The following AQR variants were observed in gnomAD, a reference collection of about 807,000 sequenced individuals.
AQR encodes the protein RNA helicase aquarius.
A neutral mutation model predicts 180.5 loss-of-function variants in AQR; 61 were observed. That is an observed-to-expected ratio of 0.34 (90% CI 0.28 to 0.42). The LOEUF is 0.42. Among genes scored for constraint, AQR ranks in the 10% least tolerant of loss-of-function variants. AQR has a pLI of 1.00. For synonymous variants in AQR, 551 were observed against 588.8 expected (o/e 0.94, Z 0.93); for missense variants, 1,281 against 1,798.3 (o/e 0.71, Z 5.20).
chr15:34,859,802 C>A (rs1383271710), intron 34 of AQR, among the ~76,000 whole-genome samples: 2 of 152,162 alleles, frequency 1.3e-5, no homozygotes, highest in Non-Finnish European at 2.9e-5. Flanking sequence ...GATGGCTTCA[C>A]AGGTAAATAC....
At chr15:34,950,386 C>T (rs1415697516) in intron 4 of AQR, among the ~76,000 whole-genome samples, 2 of 152,210 alleles carry the variant, frequency 1.3e-5, no homozygotes, top group East Asian at 3.9e-4. Flanking sequence ...CCACTCCCGG[C>T]CCTCTTTGCT....
rs773590090 is a variant in AQR, at chr15:34,896,892, C to T, written c.2460+5G>A. 19 of 1,607,378 alleles carry T rather than the reference C, an allele frequency of 1.2e-5. No individual in the cohort carries two copies. In the South Asian group the frequency reaches 2.1e-4, roughly 18 times the overall value. On this transcript the variant is annotated splice_donor_5th_base_variant and intron_variant, in intron 22 of 34. Transcript: ENST00000156471. Reference sequence around the variant, plus strand: ...ACAAACAAACAGGTGTAACAATTCTCTTACCATAGTCAGCCCAGGCTGCAT... The same window carrying T: ...ACAAACAAACAGGTGTAACAATTCTTTTACCATAGTCAGCCCAGGCTGCAT...
chr15:34,944,902 CCT>C (rs1201992237), intron 5 of AQR, among the ~76,000 whole-genome samples: 1 of 152,166 alleles, frequency 6.6e-6, no homozygotes, highest in Non-Finnish European at 1.5e-5. Flanking sequence ...CTTTGACCTA[CCT>C]CTGTTTCTAG....
At chr15:34,906,468 A>G in intron 18 of AQR, 77 bp downstream of exon 18, 1 of 1,531,638 alleles carries the variant, frequency 6.5e-7, no homozygotes, top group Non-Finnish European at 8.8e-7. Flanking sequence ...AATATTACCT[A>G]AGAAGCAAAA....
At chr15:34,929,084 A>G (rs1236379934) in intron 12 of AQR, among the ~76,000 whole-genome samples, 1 of 151,966 alleles carries the variant, frequency 6.6e-6, no homozygotes, top group Non-Finnish European at 1.5e-5. Flanking sequence ...TAAATTCTGG[A>G]TATTAGACCT....
chr15:34,940,824 CA>C, intron 8 of AQR, 74 bp downstream of exon 8: 1 of 1,153,390 alleles, frequency 8.7e-7, no homozygotes, highest in Middle Eastern at 1.9e-4. Flanking sequence ...AGGGAAACAA[CA>C]AACCAGTCAA....
intron 10 of AQR, 41 bp from the exon 11 acceptor site, chr15:34,932,475 T>C: frequency 2.2e-6 from 3 of 1,364,816 alleles, no homozygotes; most frequent in Non-Finnish European, 3.0e-6. Flanking sequence ...TTGCATCTAT[T>C]CTCCACAGCT....
Position 34,855,268 on chromosome 15 carries a change from T to C in AQR, c.*1524A>G, listed in dbSNP as rs1227363376. ...CTAGTCACTCAAAAATATAACTGACTTGACTTTCTGGGTTTAATTTCCCTA... is the reference window on the plus strand; with the variant it reads ...CTAGTCACTCAAAAATATAACTGACCTGACTTTCTGGGTTTAATTTCCCTA... On this transcript the variant is annotated 3_prime_UTR_variant, in exon 35 of 35. Coordinates refer to ENST00000156471, the MANE Select transcript of AQR (RefSeq NM_014691.3). The C allele has an allele frequency of 1.3e-5, 2 of 152,224 alleles. No individual in the cohort carries two copies. Among genetic ancestry groups the C allele is most frequent in the African/African-American group, 4.8e-5 (2 of 41,450 alleles). 9.4% of individuals were successfully genotyped at this position (152,224 alleles called of 1,614,324 possible). A position where few individuals can be genotyped will look rare whatever the true frequency, so the allele number is the denominator to read the frequency against.
intron 2 of AQR, among the ~76,000 whole-genome samples, chr15:34,963,045 C>T (rs373619896): frequency 1.3e-4 from 20 of 152,260 alleles, no homozygotes; most frequent in African/African-American, 4.6e-4. Context: ...GGCCTGATTA[C>T]AGCTCACTGC....
At chr15:34,873,772 G>T in intron 30 of AQR, 56 bp downstream of exon 30, 2 of 1,415,244 alleles carry the variant, frequency 1.4e-6, no homozygotes, top group Non-Finnish European at 1.9e-6. Context: ...ACTGATTTAG[G>T]CATATGTCAG....
Position 34,873,986 on chromosome 15 carries a change from A to G in AQR, c.3439T>C (p.Tyr1147His), listed in dbSNP as rs1233829601. 1 of 1,603,876 alleles carries G rather than the reference A, an allele frequency of 6.2e-7. No homozygotes were observed. Among genetic ancestry groups the G allele is most frequent in the South Asian group, 1.1e-5 (1 of 88,718 alleles). Residue 1147 changes from tyrosine (Y) to histidine (H), a missense_variant, in exon 30 of 35, where the codon TAC becomes CAC. Transcript: ENST00000156471. ...CCTAGATTCTTGTATCGCCAGTTGT[A>G]GAGGTTGCACAAGCTTTCCAAAGAC... Reference protein sequence around the residue: ...GRARASLCNLYNWRYKNLGNL... With the variant: ...GRARASLCNLHNWRYKNLGNL...
chr15:34,857,226 G>T (rs1364862656), intron 34 of AQR, 120 bp from the exon 35 acceptor site: 11 of 881,032 alleles, frequency 1.2e-5, no homozygotes, highest in South Asian at 6.1e-5. Flanking sequence ...TACTCCAGAT[G>T]TAACACCTCT....
At chr15:34,907,920 T>C (rs1861254385) in intron 17 of AQR, among the ~76,000 whole-genome samples, 1 of 152,170 alleles carries the variant, frequency 6.6e-6, no homozygotes, top group Non-Finnish European at 1.5e-5. Context: ...CTCTGGGACA[T>C]CTTAGATCCA....
intron 16 of AQR, among the ~76,000 whole-genome samples, chr15:34,913,911 T>G (rs1466443744): frequency 6.6e-6 from 1 of 152,274 alleles, no homozygotes; most frequent in Non-Finnish European, 1.5e-5. Flanking sequence ...AAAAATGCTT[T>G]GTGTTGTATT....
At chr15:34,869,913 G>C (rs1007621898) in intron 31 of AQR, 10 of 152,090 alleles carry the variant, frequency 6.6e-5, no homozygotes, top group Admixed American at 5.9e-4. Flanking sequence ...ATGGTTTCTG[G>C]AGCATGTATC....
rs919673670 is a variant in AQR at position 34,948,468 on chromosome 15, T to C, written c.210-84A>G. The C allele has an allele frequency of 1.9e-5, 28 of 1,464,476 alleles. No individual in the cohort carries two copies. In the African/African-American group the frequency reaches 3.9e-4, roughly 20 times the overall value. 90.7% of individuals were successfully genotyped at this position (1,464,476 alleles called of 1,614,324 possible). On this transcript the variant is annotated intron_variant, in intron 4 of 34. Coordinates refer to ENST00000156471, the MANE Select transcript of AQR (RefSeq NM_014691.3). ...TAACTCACCCAGAAAAGCATAATTATTTACAACTTTCTGAAAATATTTTGG... is the reference window on the plus strand; with the variant it reads ...TAACTCACCCAGAAAAGCATAATTACTTACAACTTTCTGAAAATATTTTGG...
chr15:34,955,622 G>C (rs557415560), intron 3 of AQR, among the ~76,000 whole-genome samples: 1 of 152,198 alleles, frequency 6.6e-6, no homozygotes, highest in African/African-American at 2.4e-5. Context: ...AAAGAAGCCA[G>C]CTACGCCAGG....
Position 34,910,179 on chromosome 15 carries a change from G to C in AQR, c.1619C>G (p.Thr540Ser). ...GTGATCTCTGACATTGAGATTTATGGTAACATCTGCACGAACTCGGGTTGG... is the reference window on the plus strand; with the variant it reads ...GTGATCTCTGACATTGAGATTTATGCTAACATCTGCACGAACTCGGGTTGG... The part of the protein sequence containing the change: ...NWPTRVRADV[T>S]INLNVRDHIK... Residue 540 changes from threonine (T) to serine (S), a missense_variant, in exon 17 of 35, where the codon ACC becomes AGC. By Grantham distance (58) the Thr-to-Ser change is moderately conservative (BLOSUM62 1). This residue lies in a region of AQR where 200 missense variants were observed against 293.4 expected (regional missense o/e 0.68). Transcript: ENST00000156471. 1 of 1,614,130 alleles carries C rather than the reference G, an allele frequency of 6.2e-7. No individual in the cohort carries two copies. The highest frequency in any genetic ancestry group is 8.5e-7 in the Non-Finnish European group (1 of 1,180,012).
intron 20 of AQR, among the ~76,000 whole-genome samples, chr15:34,899,754 C>T (rs1893302428): frequency 6.6e-6 from 1 of 151,714 alleles, no homozygotes; most frequent in South Asian, 2.1e-4. Flanking sequence ...GGGCTACCAC[C>T]CATAGGTATA....
Sources: allele counts gnomAD v4.1 joint callset (sites outside exome capture counted in the v4.1 genomes callset), GRCh38; gene constraint gnomAD v4.1.1; regional missense constraint gnomAD v4.1.1; transcripts MANE v1.5; gene names NCBI Gene and HGNC (gene_info 2026-07-23, HGNC 2026-07-21).